The following TMEM117 variants were observed in gnomAD, a reference collection of about 807,000 sequenced individuals.
The protein encoded by TMEM117 is transmembrane protein 117.
A neutral mutation model predicts 52.4 loss-of-function variants in TMEM117; 27 were observed. The ratio of observed to expected loss-of-function variants is 0.51; its 90% CI spans 0.38 to 0.71. The LOEUF (loss-of-function observed/expected upper bound fraction) is 0.71. Ranked by LOEUF, TMEM117 falls within the 30% of genes least tolerant of loss-of-function variation. TMEM117 has a pLI of 0.00. For synonymous variants in TMEM117, 215 were observed against 206.3 expected (o/e 1.04, Z -0.36); for missense variants, 556 against 630.5 (o/e 0.88, Z 1.26).
the TMEM117 span, among the ~76,000 whole-genome samples, chr12:43,823,049 TATG>T: frequency 2.0e-5 from 3 of 152,108 alleles, no homozygotes; most frequent in African/African-American, 7.2e-5. Context: ...ACCCAGAGGG[TATG>T]ATGATACTTT....
intron 2 of TMEM117, among the ~76,000 whole-genome samples, chr12:43,922,858 A>C (rs1487236207): frequency 6.6e-6 from 1 of 152,200 alleles, no homozygotes; most frequent in African/African-American, 2.4e-5. Context: ...CTATGTTTTA[A>C]ATATAGAAAG....
At chr12:43,906,332 G>A (rs970234816) in intron 2 of TMEM117, among the ~76,000 whole-genome samples, 2 of 152,042 alleles carry the variant, frequency 1.3e-5, no homozygotes, top group Non-Finnish European at 2.9e-5. Flanking sequence ...GCATGGTGGT[G>A]CATGCCTGTA....
At chr12:44,219,276 A>G (rs1305287700) in intron 5 of TMEM117, among the ~76,000 whole-genome samples, 1 of 151,986 alleles carries the variant, frequency 6.6e-6, no homozygotes, top group African/African-American at 2.4e-5. Context: ...ACTTTTGACT[A>G]TTTCACATTA....
chr12:43,847,865 A>G (rs1254863691), intron 2 of TMEM117, among the ~76,000 whole-genome samples: 1 of 152,278 alleles, frequency 6.6e-6, no homozygotes, highest in African/African-American at 2.4e-5. Context: ...TCTATTTTCC[A>G]TAAGTGTTGG....
chr12:43,927,112 T>C (rs1444902730), intron 2 of TMEM117, among the ~76,000 whole-genome samples: 3 of 152,068 alleles, frequency 2.0e-5, no homozygotes, highest in African/African-American at 7.2e-5. Context: ...ATGTAGTCTC[T>C]TGATAATGTT....
intron 2 of TMEM117, among the ~76,000 whole-genome samples, chr12:43,913,643 C>T (rs762676187): frequency 3.9e-5 from 6 of 152,190 alleles, no homozygotes; most frequent in African/African-American, 7.2e-5. Context: ...GTTTATGAGT[C>T]GTTCCTGTTT....
In TMEM117 at chr12:44,022,524, A is replaced by G. The variant is rs1946471505; in HGVS notation, c.410+78182A>G. On this transcript the variant is annotated intron_variant, in intron 3 of 7. Coordinates refer to ENST00000266534, the MANE Select transcript of TMEM117 (RefSeq NM_032256.3). ...AAATGTTTCTAATGCATAGACATGCATATTATGTGTGTGCTTCAATAGTAA... is the reference window on the plus strand; with the variant it reads ...AAATGTTTCTAATGCATAGACATGCGTATTATGTGTGTGCTTCAATAGTAA... 2.0e-5 allele frequency among the ~76,000 whole-genome samples: 3 copies of G among 152,216 alleles called. No individual in the cohort carries two copies. In the South Asian group the frequency reaches 6.2e-4, roughly 31 times the overall value.
chr12:44,320,198 G>A (rs992358956), intron 6 of TMEM117, among the ~76,000 whole-genome samples: 1 of 152,106 alleles, frequency 6.6e-6, no homozygotes, highest in East Asian at 1.9e-4. Context: ...AAAAATCCAA[G>A]ATTTCTCTTT....
chr12:43,853,029 C>T (rs972129299), intron 2 of TMEM117, among the ~76,000 whole-genome samples: 1 of 152,212 alleles, frequency 6.6e-6, no homozygotes, highest in Non-Finnish European at 1.5e-5. Flanking sequence ...GAAAATGATT[C>T]TAAACCTGTT....
the TMEM117 span, among the ~76,000 whole-genome samples, chr12:43,812,727 C>T: frequency 2.0e-5 from 3 of 151,768 alleles, no homozygotes; most frequent in Non-Finnish European, 4.4e-5. Flanking sequence ...AAGCCGAGGT[C>T]GGGTGCGGTG....
chr12:44,167,112 A>AT (rs780177870), intron 4 of TMEM117, among the ~76,000 whole-genome samples: 9 of 152,042 alleles, frequency 5.9e-5, no homozygotes, highest in Non-Finnish European at 1.2e-4. Flanking sequence ...TAGAATATGT[A>AT]TTTTTTCCTG....
At chr12:44,344,672 G>T (rs11182474) in intron 6 of TMEM117, among the ~76,000 whole-genome samples, 4,839 of 152,176 alleles carry the variant, frequency 0.032, 110 homozygotes, top group Middle Eastern at 0.054. Flanking sequence ...CACAGATGGA[G>T]AAATATGTAG....
chr12:44,090,060 A>AT (rs1408371089), intron 3 of TMEM117, among the ~76,000 whole-genome samples: 2 of 152,200 alleles, frequency 1.3e-5, no homozygotes, highest in African/African-American at 4.8e-5. Context: ...TAGACTATAA[A>AT]TTTCATGAAG....
At chr12:44,027,418 C>T (rs1020573512) in intron 3 of TMEM117, among the ~76,000 whole-genome samples, 4 of 152,028 alleles carry the variant, frequency 2.6e-5, no homozygotes, top group African/African-American at 9.7e-5. Flanking sequence ...AAGTTATCTG[C>T]CCGTGTTGGC....
At chr12:43,800,797 C>G in the TMEM117 span, among the ~76,000 whole-genome samples, 501 of 152,296 alleles carry the variant, frequency 3.3e-3, 3 homozygotes, top group African/African-American at 0.011. Flanking sequence ...GTTGCCCAGG[C>G]TGGAGTGGAA....
intron 3 of TMEM117, among the ~76,000 whole-genome samples, chr12:43,946,387 TTTTTTTTGTTTG>T (rs1945132734): frequency 4.2e-5 from 1 of 23,630 alleles, no homozygotes; most frequent in Admixed American, 6.3e-4. Context: ...TGTTTTTTTT[TTTTTTTTGTTTG>T]TTTTTTTATC....
intron 3 of TMEM117, among the ~76,000 whole-genome samples, chr12:44,007,837 A>G (rs978868272): frequency 6.6e-6 from 1 of 152,124 alleles, no homozygotes; most frequent in Non-Finnish European, 1.5e-5. Context: ...ACTGCCATCC[A>G]TGTAAGTCAT....
At chr12:43,831,713 T>C (rs1942983701), upstream of TMEM117, among the ~76,000 whole-genome samples, 2 of 152,024 alleles carry the variant, frequency 1.3e-5, no homozygotes, top group South Asian at 4.2e-4. Flanking sequence ...CTGGCTAATT[T>C]TTGTATTTTT....
chr12:43,938,836 T>TA (rs1944996159), intron 2 of TMEM117, among the ~76,000 whole-genome samples: 1 of 151,576 alleles, frequency 6.6e-6, no homozygotes, highest in Admixed American at 6.6e-5. Context: ...CCATTTCTAC[T>TA]AAAAAATACA....
Sources: gnomAD v4.1 joint callset for allele counts (sites outside exome capture counted in the v4.1 genomes callset) on GRCh38, gnomAD v4.1.1 for gene constraint, MANE v1.5 for transcripts, NCBI Gene and HGNC (gene_info 2026-07-23, HGNC 2026-07-21) for gene names.